ZNF423: variants seen among roughly 807,000 people sequenced by gnomAD.
The protein encoded by ZNF423 is Ebf-associated zinc finger protein.
Under a neutral mutation model 95.8 loss-of-function variants are expected in ZNF423, and 12 were observed. The observed-to-expected ratio is 0.13, with a 90% confidence interval of 0.08 to 0.20. The LOEUF (loss-of-function observed/expected upper bound fraction) is 0.20, where lower values mean the gene tolerates loss of function less well. Ranked by LOEUF, ZNF423 falls within the 10% of genes least tolerant of loss-of-function variation. The pLI is 1.00. For synonymous variants in ZNF423, 749 were observed against 711.9 expected, an observed-to-expected ratio of 1.05 and a Z score of -0.83; for missense variants, 1,316 against 1,737.1, an observed-to-expected ratio of 0.76 and a Z score of 4.31.
At chr16:49,657,170 G>A (rs757735695) in intron 3 of ZNF423, among the ~76,000 whole-genome samples, 4 of 152,206 alleles carry the variant, frequency 2.6e-5, no homozygotes, top group Non-Finnish European at 5.9e-5. Context: ...TCCTTTGGCT[G>A]GAGACTTCCA....
chr16:49,678,182 C>A (rs2031200046), intron 3 of ZNF423, among the ~76,000 whole-genome samples: 1 of 151,678 alleles, frequency 6.6e-6, no homozygotes, highest in African/African-American at 2.4e-5. Context: ...GACTCCATCT[C>A]AAAAATAAAA....
chr16:49,851,895 G>A (rs2035306192), intron 1 of ZNF423, among the ~76,000 whole-genome samples: 1 of 152,146 alleles, frequency 6.6e-6, no homozygotes, highest in African/African-American at 2.4e-5. Context: ...TTGAGGAGGG[G>A]GGATTAAACA....
intron 1 of ZNF423, among the ~76,000 whole-genome samples, chr16:49,809,159 G>A (rs1468031809): frequency 1.3e-5 from 2 of 152,244 alleles, no homozygotes; most frequent in Non-Finnish European, 2.9e-5. Flanking sequence ...TTAACTTTCT[G>A]CTTCGAATGG....
chr16:49,530,410 AG>A (rs59666500), intron 5 of ZNF423, among the ~76,000 whole-genome samples: 13,455 of 152,012 alleles, frequency 0.089, 791 homozygotes, highest in East Asian at 0.16. Context: ...GGTATATTAC[AG>A]GGTTCATTGT....
intron 3 of ZNF423, among the ~76,000 whole-genome samples, chr16:49,700,769 GC>G (rs1037595731): frequency 6.6e-6 from 1 of 152,176 alleles, no homozygotes; most frequent in Non-Finnish European, 1.5e-5. Flanking sequence ...CCCTCCTTGG[GC>G]CCCCTCTGCT....
Position 49,722,053 on chromosome 16 carries a change from T to G in ZNF423, c.301+8718A>C, listed in dbSNP as rs1426954376. 2.6e-5 allele frequency among the ~76,000 whole-genome samples: 4 copies of G among 151,984 alleles called. No individual in the cohort carries two copies. The South Asian group carries it at 6.3e-4, about 24-fold the overall frequency. On this transcript the variant is annotated intron_variant, in intron 3 of 7. Coordinates refer to ENST00000563137, the MANE Select transcript of ZNF423 (RefSeq NM_001379286.1). The stretch of plus-strand genomic sequence containing the variant: ...AAAATGTCAGCAACTAAGAAACAAG[T>G]CCCCACCACCACCACATTACCACCA...
At chr16:49,714,867 A>G (rs1368212234) in intron 3 of ZNF423, among the ~76,000 whole-genome samples, 1 of 152,154 alleles carries the variant, frequency 6.6e-6, no homozygotes, top group African/African-American at 2.4e-5. Flanking sequence ...CCTGCTCTCC[A>G]GCCCCCAGGA....
chr16:49,822,797 G>A (rs982028415), intron 1 of ZNF423: 27 of 1,380,122 alleles, frequency 2.0e-5, no homozygotes, highest in Non-Finnish European at 2.6e-5. Flanking sequence ...CAATCTCCTG[G>A]TGAAATAACA....
intron 2 of ZNF423, among the ~76,000 whole-genome samples, chr16:49,753,099 C>G (rs1033714182): frequency 6.7e-6 from 1 of 150,190 alleles, no homozygotes; most frequent in Non-Finnish European, 1.5e-5. Flanking sequence ...CAAAAATTAG[C>G]CAGGCGTGGT....
rs375707089 is a variant in ZNF423, at chr16:49,708,443, T to C, written c.301+22328A>G. Among the ~76,000 whole-genome samples the C allele has an allele frequency of 8.5e-5, 13 of 152,190 alleles. No individual in the cohort carries two copies. The South Asian group carries it at 1.5e-3, about 17-fold the overall frequency. On this transcript the variant is annotated intron_variant, in intron 3 of 7. Coordinates refer to ENST00000563137, the MANE Select transcript of ZNF423 (RefSeq NM_001379286.1). ...CTGGGATTACAGGTGTGTGCCACCATGTCCAGCTAATTTTTTTTGTATTTT... is the reference window on the plus strand; with the variant it reads ...CTGGGATTACAGGTGTGTGCCACCACGTCCAGCTAATTTTTTTTGTATTTT...
At chr16:49,576,116 A>C (rs1970491485) in intron 5 of ZNF423, among the ~76,000 whole-genome samples, 1 of 152,228 alleles carries the variant, frequency 6.6e-6, no homozygotes, top group Non-Finnish European at 1.5e-5. Context: ...CAGACATGGA[A>C]CCAGAAGTTT....
chr16:49,733,167 G>C (rs1028002762), intron 2 of ZNF423, among the ~76,000 whole-genome samples: 12 of 152,020 alleles, frequency 7.9e-5, no homozygotes. Context: ...TGGTTACACA[G>C]TCAAGTGCCC....
intron 5 of ZNF423, among the ~76,000 whole-genome samples, chr16:49,612,010 A>G (rs1325287372): frequency 6.6e-6 from 1 of 152,080 alleles, no homozygotes; most frequent in East Asian, 1.9e-4. Flanking sequence ...CTCCCTGTAA[A>G]GAAATCCCCA....
chr16:49,614,534 A>G (rs961164180), intron 5 of ZNF423, among the ~76,000 whole-genome samples: 3 of 152,186 alleles, frequency 2.0e-5, no homozygotes, highest in African/African-American at 7.2e-5. Context: ...CAGAGAAGAG[A>G]GTAGTGGTTT....
At chr16:49,776,647 T>C (rs1169361152) in intron 2 of ZNF423, among the ~76,000 whole-genome samples, 1 of 152,030 alleles carries the variant, frequency 6.6e-6, no homozygotes, top group Non-Finnish European at 1.5e-5. Context: ...CACATGCAAG[T>C]TGGGGGTTGC....
chr16:49,677,936 A>C (rs927126010), intron 3 of ZNF423, among the ~76,000 whole-genome samples: 2 of 152,058 alleles, frequency 1.3e-5, no homozygotes, highest in Admixed American at 1.3e-4. Flanking sequence ...TAATCCCAAC[A>C]CTTTGGGAGG....
chr16:49,648,453 C>T (rs1973262778), intron 3 of ZNF423, among the ~76,000 whole-genome samples: 1 of 152,044 alleles, frequency 6.6e-6, no homozygotes, highest in Non-Finnish European at 1.5e-5. Flanking sequence ...ACCAGCCTGA[C>T]CAACATGGAG....
chr16:49,652,512 G>A (rs1202162095), intron 3 of ZNF423, among the ~76,000 whole-genome samples: 4 of 152,134 alleles, frequency 2.6e-5, no homozygotes, highest in Admixed American at 6.5e-5. Flanking sequence ...CAGGAGCTCC[G>A]GAAGGTTCTC....
intron 3 of ZNF423, among the ~76,000 whole-genome samples, chr16:49,702,725 G>A (rs1391628722): frequency 2.0e-5 from 3 of 152,226 alleles, no homozygotes; most frequent in Non-Finnish European, 4.4e-5. Flanking sequence ...AGGTGATGGG[G>A]GCCAGAGATG....
Sources: gnomAD v4.1 joint callset for allele counts (sites outside exome capture counted in the v4.1 genomes callset) on GRCh38, gnomAD v4.1.1 for gene constraint, MANE v1.5 for transcripts, NCBI Gene and HGNC (gene_info 2026-07-23, HGNC 2026-07-21) for gene names.